FBXO34: variants seen among roughly 807,000 people sequenced by gnomAD.
The protein encoded by FBXO34 is F-box only protein 34.
FBXO34 carries 12 observed loss-of-function variants against 24.5 expected under a neutral mutation model. The ratio of observed to expected loss-of-function variants is 0.49; its 90% CI spans 0.31 to 0.79. The LOEUF (loss-of-function observed/expected upper bound fraction) is 0.79, where lower values mean the gene tolerates loss of function less well. FBXO34 is among the 30% of genes least tolerant of loss of function. FBXO34 has a pLI of 0.04. For missense variants in FBXO34, 823 were observed against 857.7 expected, an observed-to-expected ratio of 0.96 and a Z score of 0.51; for synonymous variants, 320 against 311.9, an observed-to-expected ratio of 1.03 and a Z score of -0.27.
At chr14:55,377,436 G>T in the FBXO34 span, among the ~76,000 whole-genome samples, 1 of 152,114 alleles carries the variant, frequency 6.6e-6, no homozygotes, top group African/African-American at 2.4e-5. Context: ...CAGACACTAG[G>T]TAGGGCTAGA....
Position 55,351,292 on chromosome 14 carries a change from G to A in FBXO34, c.902G>A (p.Ser301Asn). The change falls in exon 2 of 2, where the codon AGC becomes AAC. Residue 301 changes from serine to asparagine, a missense_variant. Ser to Asn is a conservative substitution (Grantham distance 46). Around this residue, in one of 2 missense-constraint regions of FBXO34, gnomAD observed 693 missense variants for 659.1 expected, o/e 1.05. Transcript: ENST00000313833. ...LKRQGQREPG[S>N]LSRNNSFRRN... is the part of the protein sequence containing the mutation. ...CGGCAGGGCCAGCGTGAGCCTGGGA[G>A]CCTCTCAAGGAATAACAGCTTCCGT... 1 of 1,614,220 alleles carries A rather than the reference G, an allele frequency of 6.2e-7. No individual in the cohort carries two copies. The highest frequency in any genetic ancestry group is 8.5e-7 in the Non-Finnish European group (1 of 1,180,044).
chr14:55,404,511 C>T, the FBXO34 span, among the ~76,000 whole-genome samples: 1 of 152,180 alleles, frequency 6.6e-6, no homozygotes, highest in African/African-American at 2.4e-5. Flanking sequence ...TTTATATAAT[C>T]ACATTTTATT....
intron 1 of FBXO34, among the ~76,000 whole-genome samples, chr14:55,315,736 C>A (rs1018796526): frequency 2.6e-5 from 4 of 152,108 alleles, no homozygotes; most frequent in Admixed American, 2.6e-4. Context: ...CATTCTGATT[C>A]CTGATTTTTC....
chr14:55,272,680 A>T (rs1237714495), intron 1 of FBXO34, among the ~76,000 whole-genome samples: 1 of 152,020 alleles, frequency 6.6e-6, no homozygotes, highest in Non-Finnish European at 1.5e-5. Context: ...GTCTTAAATA[A>T]TAATTACCTG....
chr14:55,335,160 C>A (rs547812124), intron 1 of FBXO34: 126 of 152,362 alleles, frequency 8.3e-4, no homozygotes, highest in Middle Eastern at 3.4e-3. Context: ...GCATTATTTC[C>A]TCCTTTATTT....
chr14:55,332,176 C>T (rs1305367558), intron 1 of FBXO34, among the ~76,000 whole-genome samples: 3 of 151,030 alleles, frequency 2.0e-5, no homozygotes, highest in Non-Finnish European at 4.4e-5. Context: ...AATCTTTGAT[C>T]ACACATCTTC....
downstream of FBXO34, chr14:55,354,510 T>G (rs549472369): frequency 6.6e-6 from 1 of 152,398 alleles, no homozygotes; most frequent in African/African-American, 2.4e-5. Context: ...GATCAGCCAC[T>G]CTTGATCTGG....
chr14:55,327,928 T>C (rs1321756100), intron 1 of FBXO34, among the ~76,000 whole-genome samples: 5 of 116,206 alleles, frequency 4.3e-5, no homozygotes, highest in African/African-American at 1.7e-4. Context: ...TTTTTTTTTT[T>C]TTTTTTTTTT....
In FBXO34 at chr14:55,360,973, G is replaced by A. The variant is rs147924676; in HGVS notation, c.*589-760G>A. Among the ~76,000 whole-genome samples, 1,003 of 152,086 alleles carry A rather than the reference G, an allele frequency of 6.6e-3. 13 individuals are homozygous for A. Among genetic ancestry groups the A allele is most frequent in the African/African-American group, 0.023 (941 of 41,470 alleles). ...AGATCACGCCACTGTACTCCAGCCT[G>A]GGTGATAGAGTGAGATCCTGTCTCA... On this transcript the variant is annotated intron_variant and NMD_transcript_variant, in intron 3 of 3. Coordinates refer to the FBXO34 transcript ENST00000555280.
At chr14:55,337,302 T>C (rs1307443727) in intron 1 of FBXO34, among the ~76,000 whole-genome samples, 2 of 152,210 alleles carry the variant, frequency 1.3e-5, no homozygotes, top group Non-Finnish European at 2.9e-5. Context: ...TTAATGCTAT[T>C]TTCTTCTATT....
chr14:55,362,551 G>C (rs993586087), downstream of FBXO34, among the ~76,000 whole-genome samples: 4 of 152,180 alleles, frequency 2.6e-5, no homozygotes, highest in Admixed American at 1.3e-4. Flanking sequence ...AGGAAAAAAA[G>C]AATGTAAAAT....
At chr14:55,378,035 A>G in the FBXO34 span, 1 of 1,613,180 alleles carries the variant, frequency 6.2e-7, no homozygotes, top group Non-Finnish European at 8.5e-7. Context: ...TCACTGCTCG[A>G]GTAAATTTCT....
chr14:55,286,960 G>T (rs948942948), intron 1 of FBXO34, among the ~76,000 whole-genome samples: 2 of 147,876 alleles, frequency 1.4e-5, no homozygotes, highest in African/African-American at 5.0e-5. Flanking sequence ...CCAGGCTGGA[G>T]TGCAGTGGCT....
the FBXO34 span, chr14:55,413,567 A>G: frequency 2.3e-6 from 1 of 438,410 alleles, no homozygotes. Context: ...TATGCCATGA[A>G]CTCATAGGGA....
At chr14:55,405,086 G>A in the FBXO34 span, among the ~76,000 whole-genome samples, 2 of 152,168 alleles carry the variant, frequency 1.3e-5, no homozygotes, top group South Asian at 2.1e-4. Flanking sequence ...CATGGGACAG[G>A]AATTGAGACC....
chr14:55,413,336 A>T, the FBXO34 span, among the ~76,000 whole-genome samples: 1 of 152,254 alleles, frequency 6.6e-6, no homozygotes, highest in African/African-American at 2.4e-5. Context: ...ATCGTGCTAG[A>T]TGATATCACA....
At chr14:55,356,484 G>A (rs754507672), downstream of FBXO34, among the ~76,000 whole-genome samples, 3 of 152,152 alleles carry the variant, frequency 2.0e-5, no homozygotes, top group Non-Finnish European at 2.9e-5. Flanking sequence ...GTCTTGCTCT[G>A]TCGCCCAGAC....
Position 55,352,502 on chromosome 14 carries a change from G to A in FBXO34, c.2112G>A (p.Gly704=), listed in dbSNP as rs1248886966. 3.1e-6 allele frequency: 5 copies of A among 1,608,752 alleles called. No individual in the cohort carries two copies. The Admixed American group carries it at 8.4e-5, about 27-fold the overall frequency. ...FNRAIHKKAK[G]TEAEEEY ...GGGCAATCCATAAGAAAGCAAAAGG[G>A]ACTGAAGCTGAAGAGGAATACTAAA... Residue 704 remains glycine (G), a synonymous_variant, in exon 2 of 2, where the codon GGG becomes GGA. Coordinates refer to ENST00000313833, the MANE Select transcript of FBXO34 (RefSeq NM_017943.4).
chr14:55,431,340 G>A, the FBXO34 span, among the ~76,000 whole-genome samples: 1 of 152,220 alleles, frequency 6.6e-6, no homozygotes, highest in South Asian at 2.1e-4. Context: ...TCATGAATGT[G>A]TGTAATATGT....
Sources: allele counts gnomAD v4.1 joint callset (sites outside exome capture counted in the v4.1 genomes callset), GRCh38; gene constraint gnomAD v4.1.1; regional missense constraint gnomAD v4.1.1; transcripts MANE v1.5; gene names NCBI Gene and HGNC (gene_info 2026-07-23, HGNC 2026-07-21).